Variants in CR1 observed in about 807,000 individuals in gnomAD.
The protein encoded by CR1 is complement receptor type 1.
CR1 carries 116 observed loss-of-function variants against 187.3 expected under a neutral mutation model. That is an observed-to-expected ratio of 0.62 (90% CI 0.53 to 0.72). The LOEUF is 0.72. Among genes scored for constraint, CR1 ranks in the 30% least tolerant of loss-of-function variants. The pLI is 0.00. For missense variants in CR1, 1,731 were observed against 2,110.7 expected (o/e 0.82, Z 3.52); for synonymous variants, 576 against 747.1 (o/e 0.77, Z 3.73).
chr1:207,509,971 G>T (rs1355402670), intron 3 of CR1, among the ~76,000 whole-genome samples: 2 of 152,146 alleles, frequency 1.3e-5, no homozygotes, highest in African/African-American at 2.4e-5. Context: ...ACTTTGGGAG[G>T]CTGAGGTGGG....
At chr1:207,598,591 T>C (rs559428670) in intron 35 of CR1, among the ~76,000 whole-genome samples, 31 of 152,270 alleles carry the variant, frequency 2.0e-4, no homozygotes, top group Admixed American at 1.0e-3. Flanking sequence ...AGCTCATTTC[T>C]GTATTTATAG....
Position 207,523,534 on chromosome 1 carries a change from T to C in CR1, c.488-77T>C. On this transcript the variant is annotated intron_variant, in intron 4 of 46. Coordinates refer to ENST00000367049, the MANE Select transcript of CR1 (RefSeq NM_000651.6). ...CAAATAATGAATGTAAAAATAGCTA[T>C]AGTTTAGTGACTCATGAGATTTCTG... is the stretch of plus-strand genomic sequence containing the variant. The C allele has an allele frequency of 3.8e-6, 6 of 1,586,444 alleles. No homozygotes were observed. In the Admixed American group the frequency reaches 5.5e-5, roughly 15 times the overall value.
intron 4 of CR1, among the ~76,000 whole-genome samples, chr1:207,519,100 TA>T (rs1659890952): frequency 6.6e-6 from 1 of 152,200 alleles, no homozygotes; most frequent in Admixed American, 6.5e-5. Context: ...CTTCTTACCT[TA>T]AAATCTACTT....
chr1:207,597,803 C>G (rs1661492820), intron 35 of CR1, among the ~76,000 whole-genome samples: 1 of 152,102 alleles, frequency 6.6e-6, no homozygotes, highest in Non-Finnish European at 1.5e-5. Flanking sequence ...TACCAATGTC[C>G]GTAGCAGCTT....
chr1:207,629,090 T>C (rs1400196045), intron 45 of CR1, among the ~76,000 whole-genome samples: 1 of 152,190 alleles, frequency 6.6e-6, no homozygotes, highest in Non-Finnish European at 1.5e-5. Flanking sequence ...GGTCATAAGA[T>C]AGGTCATGCA....
rs765764363 is a variant in CR1, at chr1:207,630,527, C to T, written c.7363C>T (p.His2455Tyr). Reference protein sequence around the residue: ...ILKHRKGNNAHENPKEVAIHL... With the variant: ...ILKHRKGNNAYENPKEVAIHL... ...TTCTCTGCCAATTAGCAATAATGCA[C>T]ATGAAAACCCTAAAGAAGTGGCTAT... Residue 2455 changes from histidine to tyrosine, a missense_variant, in exon 46 of 47, where the codon CAT becomes TAT. Around this residue, in one of 5 missense-constraint regions of CR1, gnomAD observed 1,312 missense variants for 1,379.6 expected, o/e 0.95. Coordinates refer to ENST00000367049, the MANE Select transcript of CR1 (RefSeq NM_000651.6). 6.2e-7 allele frequency: 1 copy of T among 1,602,518 alleles called. No homozygotes were observed. The highest frequency in any genetic ancestry group is 8.5e-7 in the Non-Finnish European group (1 of 1,175,078).
At chr1:207,506,665 G>GT in intron 2 of CR1, 49 bp from the exon 3 acceptor site, 1 of 1,530,682 alleles carries the variant, frequency 6.5e-7, no homozygotes. Flanking sequence ...ACTAAAAAAA[G>GT]TTTTTAGTTT....
chr1:207,630,655 C>A, intron 46 of CR1, 34 bp downstream of exon 46: 1 of 1,407,318 alleles, frequency 7.1e-7, no homozygotes, highest in Non-Finnish European at 9.6e-7. Context: ...AAAATGTTTT[C>A]AACAACTCAA....
chr1:207,620,145 T>C (rs1662273014), intron 43 of CR1, 80 bp downstream of exon 43: 3 of 1,392,002 alleles, frequency 2.2e-6, no homozygotes, highest in Non-Finnish European at 2.9e-6. Flanking sequence ...GCATCAAGTG[T>C]AGTGTGATGT....
At chr1:207,609,198 C>A (rs186518225) in intron 36 of CR1, 92 bp from the exon 37 acceptor site, 4 of 1,193,558 alleles carry the variant, frequency 3.4e-6, no homozygotes, top group Admixed American at 2.6e-5. Context: ...TTTAGAAAAT[C>A]ATTGGATTAT....
At chr1:207,517,639 G>A (rs1416004653) in intron 4 of CR1, among the ~76,000 whole-genome samples, 1 of 151,956 alleles carries the variant, frequency 6.6e-6, no homozygotes, top group Non-Finnish European at 1.5e-5. Context: ...TGGACCTGAG[G>A]GTTTGTTGTT....
At chr1:207,628,949 G>A (rs1479482447) in intron 45 of CR1, among the ~76,000 whole-genome samples, 1 of 152,144 alleles carries the variant, frequency 6.6e-6, no homozygotes, top group African/African-American at 2.4e-5. Context: ...GTTTCACACA[G>A]ACTTGGCAAG....
intron 5 of CR1, among the ~76,000 whole-genome samples, chr1:207,524,299 C>T (rs528692825): frequency 3.9e-5 from 6 of 152,176 alleles, no homozygotes; most frequent in Admixed American, 3.9e-4. Flanking sequence ...AGTGATTCCT[C>T]TGGCCGGGCA....
chr1:207,614,051 C>T (rs1662021286), intron 39 of CR1, among the ~76,000 whole-genome samples: 1 of 152,218 alleles, frequency 6.6e-6, no homozygotes, highest in African/African-American at 2.4e-5. Context: ...TGAAAGATGA[C>T]ACCTGAAGGT....
chr1:207,623,115 C>G (rs757258014), intron 45 of CR1, 47 bp downstream of exon 45: 1 of 1,324,474 alleles, frequency 7.6e-7, no homozygotes, highest in Admixed American at 2.3e-5. Context: ...GTACTTACCC[C>G]CTCTTGGAAG....
At chr1:207,626,510 G>A (rs1443569820) in intron 45 of CR1, among the ~76,000 whole-genome samples, 1 of 152,194 alleles carries the variant, frequency 6.6e-6, no homozygotes. Flanking sequence ...GAAGAAGGAA[G>A]CCATGTGGGA....
chr1:207,596,890 C>A (rs1429854446), intron 35 of CR1, among the ~76,000 whole-genome samples: 3 of 147,778 alleles, frequency 2.0e-5, no homozygotes, highest in African/African-American at 7.4e-5. Context: ...TGATTTTTAA[C>A]ATATTTTGAT....
chr1:207,523,772 A>G lies in CR1; in HGVS notation c.649A>G (p.Ser217Gly). The G allele has an allele frequency of 6.2e-7, 1 of 1,612,024 alleles. No homozygotes were observed. Among genetic ancestry groups the G allele is most frequent in the Non-Finnish European group, 8.5e-7 (1 of 1,179,764 alleles). Residue 217 changes from serine (S) to glycine (G), a missense_variant, in exon 5 of 47, where the codon AGC becomes GGC. Physicochemically the swap from Ser to Gly is moderately conservative, Grantham distance 56. This residue lies in a region of CR1 where 131 missense variants were observed against 196.8 expected (regional missense o/e 0.67). Transcript: ENST00000367049. ...LVGEPSIYCT[S>G]NDDQVGIWSG... is the part of the protein sequence containing the mutation. ...GGGTGAGCCCTCCATATACTGCACC[A>G]GCAATGACGATCAAGTGGGCATCTG...
chr1:207,515,239 A>G (rs191360652), intron 4 of CR1, among the ~76,000 whole-genome samples: 237 of 144,142 alleles, frequency 1.6e-3, no homozygotes, highest in African/African-American at 5.9e-3. Flanking sequence ...GTATATATAC[A>G]TATACATATA....
Sources: allele counts gnomAD v4.1 joint callset (sites outside exome capture counted in the v4.1 genomes callset), GRCh38; gene constraint gnomAD v4.1.1; regional missense constraint gnomAD v4.1.1; transcripts MANE v1.5; gene names NCBI Gene and HGNC (gene_info 2026-07-23, HGNC 2026-07-21).